Variants in KCTD1 observed in about 807,000 individuals in gnomAD.
The protein encoded by KCTD1 is potassium channel tetramerization domain containing 1, also known as BTB/POZ domain-containing protein KCTD1.
KCTD1 carries 24 observed loss-of-function variants against 66.0 expected under a neutral mutation model. The ratio of observed to expected loss-of-function variants is 0.36; its 90% CI spans 0.26 to 0.51. The LOEUF is 0.51. Among genes scored for constraint, KCTD1 ranks in the 20% least tolerant of loss-of-function variants. KCTD1 has a pLI of 0.95. For missense variants in KCTD1, 943 were observed against 1,205.2 expected, an observed-to-expected ratio of 0.78 and a Z score of 3.22; for synonymous variants, 511 against 517.2, an observed-to-expected ratio of 0.99 and a Z score of 0.16.
At chr18:26,631,752 T>G (rs1229323684), upstream of KCTD1, among the ~76,000 whole-genome samples, 1 of 152,094 alleles carries the variant, frequency 6.6e-6, no homozygotes, top group Non-Finnish European at 1.5e-5. Flanking sequence ...CACTACAACT[T>G]TAAAACCATT....
intron 1 of KCTD1, among the ~76,000 whole-genome samples, chr18:26,626,380 T>C (rs1031072595): frequency 6.6e-6 from 1 of 150,812 alleles, no homozygotes; most frequent in African/African-American, 2.4e-5. Context: ...GTAAGTTCAA[T>C]GAAGAAAACA....
chr18:26,548,132 C>G lies in KCTD1; in HGVS notation c.405G>C (p.Ala135=). The G allele has an allele frequency of 7.6e-7, 1 of 1,318,738 alleles. No homozygotes were observed. The highest frequency in any genetic ancestry group is 2.4e-5 in the South Asian group (1 of 41,456). 81.7% of individuals were successfully genotyped at this position (1,318,738 alleles called of 1,614,324 possible). ...MDQSAALEPE[A]PPRLLAPRAR... ...CCCGGGGCGCCAGCAGTCGCGGCGGCGCCTCGGGCTCCAGCGCGGCGCTCT... is the reference window on the plus strand; with the variant it reads ...CCCGGGGCGCCAGCAGTCGCGGCGGGGCCTCGGGCTCCAGCGCGGCGCTCT... The change falls in exon 1 of 5, where the codon GCG becomes GCC. Residue 135 remains alanine (A), a synonymous_variant. Transcript: ENST00000580059.
intron 1 of KCTD1, among the ~76,000 whole-genome samples, chr18:26,556,466 A>G (rs371833242): frequency 5.9e-5 from 9 of 152,208 alleles, no homozygotes; most frequent in Non-Finnish European, 1.0e-4. Flanking sequence ...TTGTTTTACA[A>G]TCTTTTCTCT....
intron 1 of KCTD1, among the ~76,000 whole-genome samples, chr18:26,537,182 G>A (rs1984749528): frequency 6.6e-6 from 1 of 151,962 alleles, no homozygotes; most frequent in Non-Finnish European, 1.5e-5. Flanking sequence ...TCAATTCACT[G>A]AAAAATAAAC....
At chr18:26,571,087 G>A (rs138581841) in intron 1 of KCTD1, among the ~76,000 whole-genome samples, 5 of 152,060 alleles carry the variant, frequency 3.3e-5, no homozygotes, top group South Asian at 4.2e-4. Context: ...CCACTTCTAC[G>A]GAATGTAAAA....
At chr18:26,505,816 C>T (rs1983005525) in intron 1 of KCTD1, among the ~76,000 whole-genome samples, 1 of 152,168 alleles carries the variant, frequency 6.6e-6, no homozygotes, top group Non-Finnish European at 1.5e-5. Context: ...ACCTAGGCCT[C>T]CCAAAGTGCT....
At chr18:26,540,016 C>A (rs1984900022) in intron 1 of KCTD1, among the ~76,000 whole-genome samples, 1 of 152,020 alleles carries the variant, frequency 6.6e-6, no homozygotes, top group African/African-American at 2.4e-5. Context: ...CTAGTTTGGT[C>A]CCTGGCACAC....
chr18:26,591,383 G>A (rs1986598364), intron 1 of KCTD1: 1 of 152,032 alleles, frequency 6.6e-6, no homozygotes, highest in Non-Finnish European at 1.5e-5. Context: ...ATCTTTTAAG[G>A]ATAATTTCAT....
chr18:26,538,739 T>A (rs548041658), intron 1 of KCTD1, among the ~76,000 whole-genome samples: 19 of 152,328 alleles, frequency 1.2e-4, no homozygotes, highest in African/African-American at 4.6e-4. Context: ...TCCTGTGAGA[T>A]CATTGTTATC....
At chr18:26,535,390 G>A (rs1048111583) in intron 1 of KCTD1, among the ~76,000 whole-genome samples, 1 of 152,102 alleles carries the variant, frequency 6.6e-6, no homozygotes, top group Admixed American at 6.6e-5. Context: ...TGGTCCCAGC[G>A]AGCGTCAGAC....
chr18:26,642,939 T>A (rs1399362155), upstream of KCTD1, among the ~76,000 whole-genome samples: 1 of 151,922 alleles, frequency 6.6e-6, no homozygotes, highest in African/African-American at 2.4e-5. Flanking sequence ...GGGCGTGCAC[T>A]GGCGTGAGGG....
At chr18:26,491,638 C>T (rs1169842877) in intron 2 of KCTD1, among the ~76,000 whole-genome samples, 5 of 152,172 alleles carry the variant, frequency 3.3e-5, no homozygotes, top group Admixed American at 6.5e-5. Context: ...ATTTGTATGA[C>T]ACTAGGGTAG....
At chr18:26,470,039 T>C (rs563229076) in intron 3 of KCTD1, among the ~76,000 whole-genome samples, 1 of 152,316 alleles carries the variant, frequency 6.6e-6, no homozygotes, top group Non-Finnish European at 1.5e-5. Flanking sequence ...CATCAGAAAG[T>C]AGATCAGCAG....
intron 1 of KCTD1, among the ~76,000 whole-genome samples, chr18:26,649,065 G>A (rs1030800100): frequency 3.9e-5 from 6 of 152,190 alleles, no homozygotes; most frequent in African/African-American, 2.4e-5. Context: ...ACAATTAACA[G>A]TGGGTCTCTA....
chr18:26,550,404 G>C (rs73944621), upstream of KCTD1, among the ~76,000 whole-genome samples: 542 of 152,112 alleles, frequency 3.6e-3, 2 homozygotes, highest in African/African-American at 0.013. The surrounding 1 kb of genome is among the most constrained non-coding windows in gnomAD (Gnocchi z 5.4). Context: ...GGGAGTTGAC[G>C]ATGTCTTTTT....
At chr18:26,643,567 A>G (rs78836506), upstream of KCTD1, among the ~76,000 whole-genome samples, 754 of 152,336 alleles carry the variant, frequency 4.9e-3, 8 homozygotes, top group African/African-American at 0.017. Context: ...AAATTATCTG[A>G]TAAGTGGGAA....
In KCTD1 at chr18:26,528,360, A is replaced by G. The variant is rs914092072; in HGVS notation, c.1809+18368T>C. ...CCACAGCAACAGCTGAACGTGGGTC[A>G]ATCTTTTCCTTCTGAGTTTAAAGTC... On this transcript the variant is annotated intron_variant, in intron 1 of 4. Coordinates refer to ENST00000580059, the MANE Select transcript of KCTD1 (RefSeq NM_001142730.3). Among the ~76,000 whole-genome samples the G allele has an allele frequency of 3.9e-4, 59 of 152,250 alleles. 1 individual carries two copies. Among genetic ancestry groups the G allele is most frequent in the Admixed American group, 2.0e-4 (3 of 15,286 alleles).
intron 1 of KCTD1, chr18:26,543,956 G>A (rs1273184380): frequency 6.6e-6 from 1 of 152,170 alleles, no homozygotes; most frequent in Non-Finnish European, 1.5e-5. Flanking sequence ...CTAAACTGAA[G>A]TACTGTTCTC....
At chr18:26,631,815 G>A (rs1260335145), upstream of KCTD1, among the ~76,000 whole-genome samples, 9 of 152,060 alleles carry the variant, frequency 5.9e-5, no homozygotes, top group African/African-American at 7.2e-5. Flanking sequence ...CTGGGAGGCC[G>A]AGGCGGGCGG....
Sources: allele counts gnomAD v4.1 joint callset (sites outside exome capture counted in the v4.1 genomes callset), GRCh38; gene constraint gnomAD v4.1.1; non-coding constraint Gnocchi (gnomAD v3.1); transcripts MANE v1.5; gene names NCBI Gene and HGNC (gene_info 2026-07-23, HGNC 2026-07-21).